The following UGT2B7 variants were observed in gnomAD, a reference collection of about 807,000 sequenced individuals.
The protein encoded by UGT2B7 is UDP glucuronosyltransferase family 2 member B7.
UGT2B7 carries 51 observed loss-of-function variants against 51.9 expected under a neutral mutation model. The observed-to-expected ratio is 0.98, with a 90% CI of 0.78 to 1.24. The LOEUF is 1.24. Ranked by LOEUF, UGT2B7 falls within the 50% of genes most tolerant of loss-of-function variation. UGT2B7 has a pLI of 0.00. For missense variants in UGT2B7, 727 were observed against 628.4 expected (o/e 1.16, Z -1.68); for synonymous variants, 225 against 211.6 (o/e 1.06, Z -0.55).
intron 1 of UGT2B7, among the ~76,000 whole-genome samples, chr4:69,078,551 T>C (rs906798665): frequency 1.3e-5 from 2 of 152,178 alleles, no homozygotes; most frequent in Non-Finnish European, 2.9e-5. Context: ...TTGACTATCT[T>C]TGATTCTAGT....
intron 1 of UGT2B7, among the ~76,000 whole-genome samples, chr4:69,052,153 C>T (rs558732278): frequency 1.4e-4 from 22 of 152,110 alleles, no homozygotes; most frequent in African/African-American, 3.9e-4. Context: ...GGTTGGACAT[C>T]AGAAGGAAGC....
At chr4:69,069,554 T>C (rs1718556156) in intron 1 of UGT2B7, 1 of 152,004 alleles carries the variant, frequency 6.6e-6, no homozygotes, top group African/African-American at 2.4e-5. Flanking sequence ...TATGTGGCAC[T>C]CATTTTTAAC....
At chr4:69,091,389 A>G (rs985648289) in intron 2 of UGT2B7, among the ~76,000 whole-genome samples, 2 of 147,530 alleles carry the variant, frequency 1.4e-5, no homozygotes, top group African/African-American at 4.9e-5. Context: ...TAGAAACTTT[A>G]AAGATTTTGT....
chr4:69,064,667 A>G (rs1285865225), intron 1 of UGT2B7, among the ~76,000 whole-genome samples: 1 of 152,178 alleles, frequency 6.6e-6, no homozygotes, highest in Non-Finnish European at 1.5e-5. Flanking sequence ...GAAAGTGTGT[A>G]TGAAAGTCAA....
rs142806461 is a variant in UGT2B7 at position 69,108,214 on chromosome 4, A to T, written c.1202A>T (p.Asp401Val). ...VGIPLFADQP[D>V]NIAHMKARGA... ...ATTCCATTGTTTGCCGATCAACCTG[A>T]TAACATTGCTCACATGAAGGCCAGG... The change falls in exon 5 of 6, where the codon GAT (aspartate) becomes GTT (valine). Residue 401 changes from aspartate (D) to valine (V), a missense_variant. Transcript: ENST00000305231. 5 of 1,613,696 alleles carry T rather than the reference A, an allele frequency of 3.1e-6. No individual in the cohort carries two copies. The highest frequency in any genetic ancestry group is 4.2e-6 in the Non-Finnish European group (5 of 1,179,782).
rs1484265227 is a variant in UGT2B7, at chr4:69,096,626, T to C, written c.106T>C (p.Trp36Arg). The change falls in exon 1 of 6, where the codon TGG becomes CGG. Residue 36 changes from tryptophan (W) to arginine (R), a missense_variant. Physicochemically the swap from Trp to Arg is moderately radical, Grantham distance 101. Coordinates refer to ENST00000305231, the MANE Select transcript of UGT2B7 (RefSeq NM_001074.4). Reference sequence around the variant, plus strand: ...GGTGTGGGCAGCAGAATACAGCCATTGGATGAATATAAAGACAATCCTGGA... The same window carrying C: ...GGTGTGGGCAGCAGAATACAGCCATCGGATGAATATAAAGACAATCCTGGA... ...VLVWAAEYSHWMNIKTILDEL... is the reference protein window; with the variant it reads ...VLVWAAEYSHRMNIKTILDEL... 1.2e-6 allele frequency: 2 copies of C among 1,614,034 alleles called. No homozygotes were observed. Among genetic ancestry groups the C allele is most frequent in the East Asian group, 2.2e-5 (1 of 44,874 alleles).
intron 1 of UGT2B7, among the ~76,000 whole-genome samples, chr4:69,056,307 C>T (rs192668156): frequency 1.5e-4 from 23 of 152,244 alleles, no homozygotes; most frequent in Non-Finnish European, 2.4e-4. Flanking sequence ...CCGAATCATA[C>T]GGTTACAAGC....
In UGT2B7 at chr4:69,098,669, C is replaced by T; in HGVS notation, c.851C>T (p.Pro284Leu). The stretch of plus-strand genomic sequence containing the variant: ...TTTGTTGGAGGACTCCACTGCAAAC[C>T]TGCCAAACCCCTGCCTAAGGTAAAC... ...VDFVGGLHCK[P>L]AKPLPKEMED... The change falls in exon 2 of 6, where the codon CCT (proline) becomes CTT (leucine). Residue 284 changes from proline to leucine, a missense_variant. By Grantham distance (98) the Pro-to-Leu change is moderately conservative. Transcript: ENST00000305231. The T allele has an allele frequency of 1.9e-6, 3 of 1,610,868 alleles. No individual in the cohort carries two copies. Among genetic ancestry groups the T allele is most frequent in the East Asian group, 2.2e-5 (1 of 44,808 alleles).
At chr4:69,094,621 A>G (rs893539423), upstream of UGT2B7, among the ~76,000 whole-genome samples, 1 of 152,242 alleles carries the variant, frequency 6.6e-6, no homozygotes, top group Non-Finnish European at 1.5e-5. Flanking sequence ...GAAGATTCTC[A>G]TATCAATGTT....
chr4:69,063,318 CAAA>C (rs556109411), intron 1 of UGT2B7, among the ~76,000 whole-genome samples: 2 of 23,856 alleles, frequency 8.4e-5, no homozygotes, highest in Non-Finnish European at 7.4e-5. Context: ...GACTCCGTCT[CAAA>C]AAAAAAAAAA....
At chr4:69,069,941 A>G (rs1490468477) in intron 1 of UGT2B7, 1 of 152,072 alleles carries the variant, frequency 6.6e-6, no homozygotes, top group Non-Finnish European at 1.5e-5. Context: ...CATGCCATTT[A>G]ATGTCACCAC....
chr4:69,076,752 A>G (rs1483669806), intron 1 of UGT2B7, among the ~76,000 whole-genome samples: 1 of 152,176 alleles, frequency 6.6e-6, no homozygotes, highest in African/African-American at 2.4e-5. Flanking sequence ...CTCTGATGAT[A>G]GTTTATTTTG....
At chr4:69,104,363 TG>T (rs1400934016) in intron 3 of UGT2B7, among the ~76,000 whole-genome samples, 2 of 152,172 alleles carry the variant, frequency 1.3e-5, no homozygotes, top group African/African-American at 4.8e-5. Flanking sequence ...TGGAAGATAT[TG>T]CTAATGTATT....
At chr4:69,086,160 T>C (rs1718950889) in intron 1 of UGT2B7, among the ~76,000 whole-genome samples, 1 of 151,850 alleles carries the variant, frequency 6.6e-6, no homozygotes, top group Non-Finnish European at 1.5e-5. Context: ...TTAGAACTTA[T>C]TTTTTCTATA....
chr4:69,058,969 G>T (rs181499519), intron 1 of UGT2B7, among the ~76,000 whole-genome samples: 7 of 152,200 alleles, frequency 4.6e-5, no homozygotes, highest in Admixed American at 3.9e-4. Flanking sequence ...GACACTGGAA[G>T]GATGAGTGTC....
upstream of UGT2B7, among the ~76,000 whole-genome samples, chr4:69,095,814 A>T (rs1409921795): frequency 2.0e-5 from 3 of 152,198 alleles, no homozygotes; most frequent in African/African-American, 7.2e-5. Flanking sequence ...CCTTTAAAAT[A>T]TTATGTTACA....
At chr4:69,074,439 T>TAC (rs1405680911) in intron 1 of UGT2B7, among the ~76,000 whole-genome samples, 76 of 148,514 alleles carry the variant, frequency 5.1e-4, no homozygotes, top group African/African-American at 1.8e-3. Context: ...TATATATATA[T>TAC]ATATATAAAT....
intron 3 of UGT2B7, 62 bp downstream of exon 3, chr4:69,103,000 A>C (rs1274975030): frequency 6.4e-7 from 1 of 1,572,284 alleles, no homozygotes; most frequent in East Asian, 2.3e-5. Flanking sequence ...AGTTTGAAGT[A>C]ATCCAATTAT....
chr4:69,107,919 C>T (rs1298390106), intron 4 of UGT2B7, among the ~76,000 whole-genome samples, 184 bp from the exon 5 acceptor site: 4 of 152,128 alleles, frequency 2.6e-5, no homozygotes, highest in Admixed American at 6.6e-5. Context: ...TCTGAAGTCA[C>T]ACACACCGTA....
Sources: gnomAD v4.1 joint callset for allele counts (sites outside exome capture counted in the v4.1 genomes callset) on GRCh38, gnomAD v4.1.1 for gene constraint, MANE v1.5 for transcripts, NCBI Gene and HGNC (gene_info 2026-07-23, HGNC 2026-07-21) for gene names.